The following LEPR variants were observed in gnomAD, a reference collection of about 807,000 sequenced individuals.
The protein encoded by LEPR is leptin receptor, also known as OB receptor.
A neutral mutation model predicts 114.7 loss-of-function variants in LEPR; 56 were observed. The ratio of observed to expected loss-of-function variants is 0.49; its 90% CI spans 0.39 to 0.61. LEPR has a LOEUF of 0.61. Among genes scored for constraint, LEPR ranks in the 20% least tolerant of loss-of-function variants. LEPR has a pLI of 0.00. For missense variants in LEPR, 1,202 were observed against 1,352.9 expected (o/e 0.89, Z 1.75); for synonymous variants, 443 against 461.4 (o/e 0.96, Z 0.51).
chr1:65,494,805 C>G (rs887262245), intron 2 of LEPR, among the ~76,000 whole-genome samples: 1 of 152,066 alleles, frequency 6.6e-6, no homozygotes, highest in Non-Finnish European at 1.5e-5. Flanking sequence ...GGAAATATCA[C>G]AACCCTTCCA....
rs906792858 is a variant in LEPR at position 65,638,784 on chromosome 1, G to A, written c.*1769G>A. 3 of 152,154 alleles carry A rather than the reference G, an allele frequency of 2.0e-5. No homozygotes were observed. Among genetic ancestry groups the A allele is most frequent in the African/African-American group, 4.8e-5 (2 of 41,442 alleles). 9.4% of individuals were successfully genotyped at this position (152,154 alleles called of 1,614,324 possible). A position where few individuals can be genotyped will look rare whatever the true frequency, so the allele number is the denominator to read the frequency against. Reference sequence around the variant, plus strand: ...CTAATGACCCCCTTACAAGAAATAGGTAAAGGGCTGATAGCAACTCATTAC... The same window carrying A: ...CTAATGACCCCCTTACAAGAAATAGATAAAGGGCTGATAGCAACTCATTAC... On this transcript the variant is annotated 3_prime_UTR_variant, in exon 20 of 20. Coordinates refer to ENST00000349533, the MANE Select transcript of LEPR (RefSeq NM_002303.6).
In LEPR at chr1:65,639,533, G is replaced by C. The variant is rs1658806053; in HGVS notation, c.*2518G>C. The C allele has an allele frequency of 6.6e-6, 1 of 152,110 alleles. No homozygotes were observed. Among genetic ancestry groups the C allele is most frequent in the Non-Finnish European group, 1.5e-5 (1 of 68,012 alleles). 9.4% of individuals were successfully genotyped at this position (152,110 alleles called of 1,614,324 possible). A position where few individuals can be genotyped will look rare whatever the true frequency, so the allele number is the denominator to read the frequency against. ...TTTCACATAATTTAGAAAAAATTTA[G>C]AATGTTTTATGCCTCAGAATGGTCA... On this transcript the variant is annotated 3_prime_UTR_variant, in exon 20 of 20. Coordinates refer to ENST00000349533, the MANE Select transcript of LEPR (RefSeq NM_002303.6).
chr1:65,430,540 C>T (rs1032689250), intron 2 of LEPR, among the ~76,000 whole-genome samples: 5 of 152,116 alleles, frequency 3.3e-5, no homozygotes, highest in Admixed American at 3.3e-4. Flanking sequence ...TTCTTTTTGT[C>T]TTCAGAGTAC....
intron 2 of LEPR, among the ~76,000 whole-genome samples, chr1:65,526,926 G>C (rs1650013408): frequency 6.6e-6 from 1 of 152,092 alleles, no homozygotes; most frequent in African/African-American, 2.4e-5. Context: ...TTATGACTTA[G>C]GCTTTTAGGA....
chr1:65,542,373 A>G (rs1443059204), intron 2 of LEPR, among the ~76,000 whole-genome samples: 5 of 152,034 alleles, frequency 3.3e-5, no homozygotes, highest in Admixed American at 3.3e-4. Flanking sequence ...TTCAACAACT[A>G]TTTATGAGTA....
chr1:65,451,885 C>T (rs914658947), intron 2 of LEPR, among the ~76,000 whole-genome samples: 4 of 151,996 alleles, frequency 2.6e-5, no homozygotes, highest in South Asian at 2.1e-4. Flanking sequence ...GCCATTTTCA[C>T]AATATTGATT....
At chr1:65,440,000 C>CAAAAAAAAAAA (rs550347312) in intron 2 of LEPR, among the ~76,000 whole-genome samples, 3 of 58,136 alleles carry the variant, frequency 5.2e-5, no homozygotes, top group Non-Finnish European at 8.7e-5. Flanking sequence ...GATTCTGTCT[C>CAAAAAAAAAAA]AAAAAAAAAA....
intron 19 of LEPR, chr1:65,635,072 T>C: frequency 2.3e-6 from 2 of 887,292 alleles, no homozygotes; most frequent in African/African-American, 3.6e-5. Flanking sequence ...TACTTAAGAG[T>C]ATAAAACTAT....
intron 2 of LEPR, among the ~76,000 whole-genome samples, chr1:65,543,318 T>G (rs976078577): frequency 1.3e-5 from 2 of 152,022 alleles, no homozygotes; most frequent in Admixed American, 1.3e-4. Context: ...TTGTTTGTTT[T>G]TTTCTTATAA....
At chr1:65,527,811 C>T (rs1650074944) in intron 2 of LEPR, among the ~76,000 whole-genome samples, 1 of 152,180 alleles carries the variant, frequency 6.6e-6, no homozygotes, top group Non-Finnish European at 1.5e-5. Flanking sequence ...TAGAGATAGT[C>T]ATCTCCGTTG....
rs189535279 is a variant in LEPR at position 65,533,621 on chromosome 1, A to G, written c.-20-31925A>G. Among the ~76,000 whole-genome samples, 24 of 152,288 alleles carry G rather than the reference A, an allele frequency of 1.6e-4. 1 individual carries two copies. The highest frequency in any genetic ancestry group is 5.8e-4 in the African/African-American group (24 of 41,586). On this transcript the variant is annotated intron_variant, in intron 2 of 19. Transcript: ENST00000349533. ...TAATTTTCAGCCTTTCTTCTTTTTG[A>G]AAAGTATTATTTATGGCTTTGAGCT...
At chr1:65,470,576 TC>T (rs541887068) in intron 2 of LEPR, among the ~76,000 whole-genome samples, 82 of 152,310 alleles carry the variant, frequency 5.4e-4, no homozygotes, top group African/African-American at 1.9e-3. Flanking sequence ...AAACCCTTGC[TC>T]CCCTTCCTAA....
At chr1:65,635,666 C>T (rs939109391) in intron 19 of LEPR, among the ~76,000 whole-genome samples, 8 of 152,100 alleles carry the variant, frequency 5.3e-5, no homozygotes, top group Non-Finnish European at 1.0e-4. Context: ...TCTTATTTCA[C>T]AACATAGTTA....
intron 2 of LEPR, among the ~76,000 whole-genome samples, chr1:65,541,719 T>C (rs1651202395): frequency 6.6e-6 from 1 of 152,196 alleles, no homozygotes; most frequent in Non-Finnish European, 1.5e-5. Flanking sequence ...AATTAAATGT[T>C]TAAATGCTTA....
chr1:65,521,911 T>G (rs1040585734), intron 2 of LEPR, among the ~76,000 whole-genome samples: 1 of 151,984 alleles, frequency 6.6e-6, no homozygotes, highest in African/African-American at 2.4e-5. Flanking sequence ...ACCAGCCTGG[T>G]CAACATTGTG....
intron 5 of LEPR, among the ~76,000 whole-genome samples, chr1:65,581,714 T>C (rs1014781914): frequency 3.2e-4 from 48 of 152,324 alleles, no homozygotes; most frequent in African/African-American, 1.1e-3. Context: ...TATGAAGTCC[T>C]CTTTCCTTTT....
intron 2 of LEPR, among the ~76,000 whole-genome samples, chr1:65,553,897 A>G (rs1652615300): frequency 6.6e-6 from 1 of 152,038 alleles, no homozygotes; most frequent in Non-Finnish European, 1.5e-5. Flanking sequence ...TTTCTGTGGA[A>G]TCCTTTTTGC....
At chr1:65,614,451 C>G (rs1657399690) in intron 14 of LEPR, among the ~76,000 whole-genome samples, 1 of 152,176 alleles carries the variant, frequency 6.6e-6, no homozygotes, top group African/African-American at 2.4e-5. Flanking sequence ...CACTTTGGAA[C>G]TTGAGTGGAG....
rs889488791 is a variant in LEPR at position 65,606,214 on chromosome 1, C to T, written c.1603+977C>T. Among the ~76,000 whole-genome samples the T allele has an allele frequency of 5.9e-5, 9 of 152,234 alleles. 1 individual carries two copies. The highest frequency in any genetic ancestry group is 1.9e-4 in the East Asian group (1 of 5,180). The stretch of plus-strand genomic sequence containing the variant: ...AAAGTCCCAATGAATTCTCTCCCCA[C>T]TGTTTAATTCCATTTTAAGTGATTT... On this transcript the variant is annotated intron_variant, in intron 11 of 19. Coordinates refer to ENST00000349533, the MANE Select transcript of LEPR (RefSeq NM_002303.6).
Sources: allele counts gnomAD v4.1 joint callset (sites outside exome capture counted in the v4.1 genomes callset), GRCh38; gene constraint gnomAD v4.1.1; transcripts MANE v1.5; gene names NCBI Gene and HGNC (gene_info 2026-07-23, HGNC 2026-07-21).